The following TPD52L3 variants were observed in gnomAD, a reference collection of about 807,000 sequenced individuals.
TPD52L3 encodes tumor protein D55.
In TPD52L3, 12 loss-of-function variants were observed where a neutral mutation model predicts 8.7. That is an observed-to-expected ratio of 1.38 (90% CI 0.89 to 2.24). The LOEUF (loss-of-function observed/expected upper bound fraction) is 2.24, where lower values mean the gene tolerates loss of function less well. Ranked by LOEUF, TPD52L3 falls within the 30% of genes most tolerant of loss-of-function variation. TPD52L3 has a pLI of 0.00. For missense variants in TPD52L3, 207 were observed against 158.7 expected (o/e 1.30, Z -1.64); for synonymous variants, 79 against 66.8 (o/e 1.18, Z -0.89).
At position 6,331,216 on chromosome 9, in the gene TPD52L3, A is replaced by G. The variant is rs1024952305; in HGVS notation, c.*197A>G. ...TCGTATGTGCCCTCTAGAAACACTT[A>G]GACTTTCAAATCATTATAATTCAAT... On this transcript the variant is annotated 3_prime_UTR_variant, in exon 2 of 2. Transcript: ENST00000314556. 34 of 515,708 alleles carry G rather than the reference A, an allele frequency of 6.6e-5. No homozygotes were observed. The highest frequency in any genetic ancestry group is 6.5e-4 in the African/African-American group (33 of 51,100). 31.9% of individuals were successfully genotyped at this position (515,708 alleles called of 1,614,324 possible).
At chr9:6,330,073 G>A in intron 1 of TPD52L3, 3 of 1,541,192 alleles carry the variant, frequency 1.9e-6, no homozygotes, top group South Asian at 1.3e-5. Context: ...CCTGTCTCAA[G>A]GAACATTTTA....
At position 6,328,525 on chromosome 9, in the gene TPD52L3, C is replaced by CCCAATAATTCGACTCTTTCTA; in HGVS notation, c.-66_-46dup. ...GCTGGCCAAGATTATTTCTCTGCAG[C>CCCAATAATTCGACTCTTTCTA]CCAATAATTCGACTCTTTCTACCAA... is the stretch of plus-strand genomic sequence containing the variant. On this transcript the variant is annotated 5_prime_UTR_variant, in exon 1 of 2. Coordinates refer to ENST00000314556, the MANE Select transcript of TPD52L3 (RefSeq NM_001001874.3). 1 of 1,523,182 alleles carries CCCAATAATTCGACTCTTTCTA rather than the reference C, an allele frequency of 6.6e-7. No homozygotes were observed. The highest frequency in any genetic ancestry group is 8.8e-7 in the Non-Finnish European group (1 of 1,132,446). 94.4% of individuals were successfully genotyped at this position (1,523,182 alleles called of 1,614,324 possible). A position where few individuals can be genotyped will look rare whatever the true frequency, so the allele number is the denominator to read the frequency against.
intron 1 of TPD52L3, 105 bp from the exon 2 acceptor site, chr9:6,330,871 A>T (rs2130619567): frequency 6.6e-7 from 1 of 1,521,124 alleles, no homozygotes; most frequent in East Asian, 2.3e-5. Flanking sequence ...TTATTTAATA[A>T]TTTCTACAAC....
chr9:6,330,993 T>G lies in TPD52L3; in HGVS notation c.385T>G (p.Tyr129Asp). The G allele has an allele frequency of 6.2e-7, 1 of 1,612,976 alleles. No homozygotes were observed. The highest frequency in any genetic ancestry group is 8.5e-7 in the Non-Finnish European group (1 of 1,179,464). ...RSFEGLIFNK[Y>D]TLNQGRN is the part of the protein sequence containing the mutation. ...TGGCTTAGGATTGATCTTCAATAAATACACGTTAAATCAAGGAAGGAATTA... is the reference window on the plus strand; with the variant it reads ...TGGCTTAGGATTGATCTTCAATAAAGACACGTTAAATCAAGGAAGGAATTA... Residue 129 changes from tyrosine to aspartate, a missense_variant, in exon 2 of 2, where the codon TAC becomes GAC. Tyr to Asp is a radical substitution (Grantham distance 160). Transcript: ENST00000314556.
intron 1 of TPD52L3, chr9:6,330,354 C>A: frequency 6.8e-7 from 1 of 1,466,026 alleles, no homozygotes; most frequent in Non-Finnish European, 9.0e-7. Flanking sequence ...CTCTTTCACT[C>A]CTCTAGACAC....
intron 1 of TPD52L3, 147 bp downstream of exon 1, chr9:6,329,109 G>C (rs933492524): frequency 1.3e-6 from 2 of 1,532,966 alleles, no homozygotes; most frequent in African/African-American, 1.4e-5. Flanking sequence ...GTGGGAATGA[G>C]CCACTCCCAG....
chr9:6,329,702 C>G, intron 1 of TPD52L3: 1 of 1,001,986 alleles, frequency 1.0e-6, no homozygotes, highest in Non-Finnish European at 1.2e-6. Context: ...CTCTGAGACT[C>G]AGAAAAAGAG....
At chr9:6,329,378 C>T in intron 1 of TPD52L3, 1 of 1,072,746 alleles carries the variant, frequency 9.3e-7, no homozygotes. Context: ...GGTTATTTTT[C>T]ACTTAAGTTT....
chr9:6,330,340 G>A (rs930976465), intron 1 of TPD52L3: 79 of 1,503,304 alleles, frequency 5.3e-5, no homozygotes, highest in Non-Finnish European at 6.7e-5. Flanking sequence ...CAAGATCTGG[G>A]AGCCTCTTTC....
At chr9:6,329,653 A>G (rs1307711543) in intron 1 of TPD52L3, 1 of 1,001,522 alleles carries the variant, frequency 1.0e-6, no homozygotes, top group Non-Finnish European at 1.2e-6. Context: ...CTGGCCTACA[A>G]CTTTTATTTT....
At position 6,331,057 on chromosome 9, in the gene TPD52L3, G is replaced by C. The variant is rs774054696; in HGVS notation, c.*38G>C. The stretch of plus-strand genomic sequence containing the variant: ...CAGACATCAAATATGGAATCCAAGA[G>C]ACTATCAACAACATGAACTTGTTCA... On this transcript the variant is annotated 3_prime_UTR_variant, in exon 2 of 2. Transcript: ENST00000314556. The C allele has an allele frequency of 4.4e-6, 7 of 1,588,990 alleles. No homozygotes were observed. In the East Asian group the frequency reaches 1.3e-4, roughly 31 times the overall value.
rs1323631040 is a variant in TPD52L3, at chr9:6,331,591, T to G, written c.*572T>G. ...TACATACTACATTAGATATCAATATTTAAGCCTGTAGGAAATGGGAGGCAT... is the reference window on the plus strand; with the variant it reads ...TACATACTACATTAGATATCAATATGTAAGCCTGTAGGAAATGGGAGGCAT... On this transcript the variant is annotated 3_prime_UTR_variant, in exon 2 of 2. Transcript: ENST00000314556. The G allele has an allele frequency of 6.6e-6, 1 of 152,140 alleles. No individual in the cohort carries two copies. The highest frequency in any genetic ancestry group is 2.4e-5 in the African/African-American group (1 of 41,434). The allele number at this position is 152,140 out of a possible 1,614,324, so 9.4% of individuals were successfully genotyped here. A position where few individuals can be genotyped will look rare whatever the true frequency, so the allele number is the denominator to read the frequency against.
intron 1 of TPD52L3, chr9:6,329,902 G>T: frequency 8.0e-7 from 1 of 1,249,882 alleles, no homozygotes. Flanking sequence ...ATCAAAATGA[G>T]TGTTTTAAAG....
chr9:6,331,613 G>A lies in TPD52L3; in HGVS notation c.*594G>A, dbSNP rs374268789. ...TATTTAAGCCTGTAGGAAATGGGAGGCATTGAAGCACTTAAGTAAAAAAGT... is the reference window on the plus strand; with the variant it reads ...TATTTAAGCCTGTAGGAAATGGGAGACATTGAAGCACTTAAGTAAAAAAGT... On this transcript the variant is annotated 3_prime_UTR_variant, in exon 2 of 2. Transcript: ENST00000314556. 1 of 152,058 alleles carries A rather than the reference G, an allele frequency of 6.6e-6. No individual in the cohort carries two copies. Among genetic ancestry groups the A allele is most frequent in the Non-Finnish European group, 1.5e-5 (1 of 68,018 alleles). 9.4% of individuals were successfully genotyped at this position (152,058 alleles called of 1,614,324 possible).
rs548511287 is a variant in TPD52L3 at position 6,328,811 on chromosome 9, G to C, written c.216G>C (p.Leu72=). 1.9e-6 allele frequency: 3 copies of C among 1,614,234 alleles called. No homozygotes were observed. The Admixed American group carries it at 5.0e-5, about 27-fold the overall frequency. Residue 72 remains leucine (L), a synonymous_variant, in exon 1 of 2, where the codon CTG becomes CTC. Coordinates refer to ENST00000314556, the MANE Select transcript of TPD52L3 (RefSeq NM_001001874.3). ...RKLGLTALVG[L]RQNLSKSWLD... ...TAGGCCTCACCGCCTTGGTAGGGCT[G>C]AGACAGAATCTGTCCAAGAGCTGGC...
In TPD52L3 at chr9:6,330,907, T is replaced by C; in HGVS notation, c.368-69T>C. 4 of 1,586,826 alleles carry C rather than the reference T, an allele frequency of 2.5e-6. No homozygotes were observed. In the South Asian group the frequency reaches 4.7e-5, roughly 19 times the overall value. On this transcript the variant is annotated intron_variant, in intron 1 of 1. Coordinates refer to ENST00000314556, the MANE Select transcript of TPD52L3 (RefSeq NM_001001874.3). ...AGTAGTAAGTTTCCCCAATAAATTC[T>C]CAACTCCGTAAAAGTAGTAAAGTAC...
chr9:6,329,363 T>C lies in TPD52L3; in HGVS notation c.367+401T>C, dbSNP rs748801936. The C allele has an allele frequency of 2.8e-6, 3 of 1,082,868 alleles. No individual in the cohort carries two copies. In the East Asian group the frequency reaches 2.2e-4, roughly 79 times the overall value. 67.1% of individuals were successfully genotyped at this position (1,082,868 alleles called of 1,614,324 possible). On this transcript the variant is annotated intron_variant, in intron 1 of 1. Transcript: ENST00000314556. ...TTAAGATAGAGAACCCAAAGTTTTG[T>C]ACCTGGTTATTTTTCACTTAAGTTT... is the stretch of plus-strand genomic sequence containing the variant.
Position 6,331,089 on chromosome 9 carries a change from C to T in TPD52L3, c.*70C>T. On this transcript the variant is annotated 3_prime_UTR_variant, in exon 2 of 2. Coordinates refer to ENST00000314556, the MANE Select transcript of TPD52L3 (RefSeq NM_001001874.3). ...AACAACATGAACTTGTTCACAAGTTCCTTCTGCTTTTAAACAAAAATATCG... is the reference window on the plus strand; with the variant it reads ...AACAACATGAACTTGTTCACAAGTTTCTTCTGCTTTTAAACAAAAATATCG... The T allele has an allele frequency of 2.6e-6, 4 of 1,525,752 alleles. No homozygotes were observed. The highest frequency in any genetic ancestry group is 3.6e-6 in the Non-Finnish European group (4 of 1,112,494). The allele number at this position is 1,525,752 out of a possible 1,614,324, so 94.5% of individuals were successfully genotyped here. A position where few individuals can be genotyped will look rare whatever the true frequency, so the allele number is the denominator to read the frequency against.
chr9:6,331,514 G>A lies in TPD52L3; in HGVS notation c.*495G>A, dbSNP rs1174971543. 2.0e-5 allele frequency: 3 copies of A among 152,302 alleles called. No individual in the cohort carries two copies. Among genetic ancestry groups the A allele is most frequent in the Non-Finnish European group, 4.4e-5 (3 of 68,194 alleles). The allele number at this position is 152,302 out of a possible 1,614,324, so 9.4% of individuals were successfully genotyped here. A position where few individuals can be genotyped will look rare whatever the true frequency, so the allele number is the denominator to read the frequency against. On this transcript the variant is annotated 3_prime_UTR_variant, in exon 2 of 2. Transcript: ENST00000314556. Reference sequence around the variant, plus strand: ...GTTACATGAGTGAGGGAGGGGAAATGGTGTTACGTGAGTAAGAAAAAATAA... The same window carrying A: ...GTTACATGAGTGAGGGAGGGGAAATAGTGTTACGTGAGTAAGAAAAAATAA...
Sources: allele counts gnomAD v4.1 joint callset, GRCh38; gene constraint gnomAD v4.1.1; transcripts MANE v1.5; gene names NCBI Gene and HGNC (gene_info 2026-07-23, HGNC 2026-07-21).